NAALAD2: variants seen among roughly 807,000 people sequenced by gnomAD.
NAALAD2 encodes the protein N-acetylated-alpha-linked acidic dipeptidase 2.
NAALAD2 carries 89 observed loss-of-function variants against 95.6 expected under a neutral mutation model. The observed-to-expected ratio is 0.93, with a 90% CI of 0.78 to 1.11. The LOEUF is 1.11. Among genes scored for constraint, NAALAD2 ranks in the 50% least tolerant of loss-of-function variants. The pLI is 0.00. For missense variants in NAALAD2, 894 were observed against 872.4 expected, an observed-to-expected ratio of 1.02 and a Z score of -0.31; for synonymous variants, 264 against 294.4, an observed-to-expected ratio of 0.90 and a Z score of 1.06.
chr11:90,173,156 T>C (rs1354017861), intron 13 of NAALAD2, among the ~76,000 whole-genome samples: 3 of 152,176 alleles, frequency 2.0e-5, no homozygotes, highest in Non-Finnish European at 4.4e-5. Context: ...TAAATGTATT[T>C]TTAATGAAAG....
chr11:90,191,587 A>G lies in NAALAD2; in HGVS notation c.2063A>G (p.Asn688Ser), dbSNP rs770333021. Reference sequence around the variant, plus strand: ...ATCATATTTGCTCCAAGTAGCCACAACAAATATGCTGGAGAATCATTTCCT... The same window carrying G: ...ATCATATTTGCTCCAAGTAGCCACAGCAAATATGCTGGAGAATCATTTCCT... ...RHIIFAPSSH[N>S]KYAGESFPGI... Residue 688 changes from asparagine to serine, a missense_variant, in exon 19 of 19, where the codon AAC (asparagine) becomes AGC (serine). Coordinates refer to ENST00000534061, the MANE Select transcript of NAALAD2 (RefSeq NM_005467.4). The G allele has an allele frequency of 3.1e-6, 5 of 1,595,516 alleles. No homozygotes were observed. Among genetic ancestry groups the G allele is most frequent in the Non-Finnish European group, 4.3e-6 (5 of 1,171,640 alleles).
intron 6 of NAALAD2, among the ~76,000 whole-genome samples, chr11:90,157,747 A>C (rs2134897848): frequency 6.6e-6 from 1 of 151,618 alleles, no homozygotes; most frequent in East Asian, 1.9e-4. Flanking sequence ...TTTCAGACAG[A>C]GTCTTGCTCC....
At position 90,173,911 on chromosome 11, in the gene NAALAD2, C is replaced by T; in HGVS notation, c.1498C>T (p.Pro500Ser). 6.2e-7 allele frequency: 1 copy of T among 1,608,038 alleles called. No homozygotes were observed. The highest frequency in any genetic ancestry group is 8.5e-7 in the Non-Finnish European group (1 of 1,175,926). ...CCCTTCACCTGAAAATAAAAATTTG[C>T]CTAGGTAAGTTACTGATATGCACCT... ...KDPSPENKNL[P>S]RINKLGSGSD... The change falls in exon 14 of 19, where the codon CCT (proline) becomes TCT (serine). Residue 500 changes from proline to serine, a missense_variant. Transcript: ENST00000534061.
In NAALAD2 at chr11:90,177,176, A is replaced by G. The variant is rs183585136; in HGVS notation, c.1594-677A>G. Among the ~76,000 whole-genome samples the G allele has an allele frequency of 1.8e-3, 274 of 152,320 alleles. 2 individuals are homozygous for G. Among genetic ancestry groups the G allele is most frequent in the African/African-American group, 6.1e-3 (253 of 41,590 alleles). ...AAGAATATTTATACGGGATACTACT[A>G]TGTAATAATTCATATTCATAATGGT... On this transcript the variant is annotated intron_variant, in intron 15 of 18. Coordinates refer to ENST00000534061, the MANE Select transcript of NAALAD2 (RefSeq NM_005467.4).
chr11:90,164,527 A>C (rs1952383005), intron 11 of NAALAD2, among the ~76,000 whole-genome samples: 1 of 152,160 alleles, frequency 6.6e-6, no homozygotes, highest in Non-Finnish European at 1.5e-5. Flanking sequence ...TCTTTCTGTA[A>C]GAGTAAGCTC....
At chr11:90,144,592 A>G (rs1951703493) in intron 2 of NAALAD2, among the ~76,000 whole-genome samples, 1 of 151,842 alleles carries the variant, frequency 6.6e-6, no homozygotes, top group Admixed American at 6.6e-5. Flanking sequence ...AATACAAAAA[A>G]TTAGCTGGGC....
intron 16 of NAALAD2, among the ~76,000 whole-genome samples, chr11:90,181,235 TA>T (rs1952958357): frequency 6.6e-6 from 1 of 151,792 alleles, no homozygotes; most frequent in African/African-American, 2.4e-5. Flanking sequence ...CAAGAATTGG[TA>T]TTTTTTTTTG....
chr11:90,187,941 A>AATTG (rs1180220896), intron 18 of NAALAD2, among the ~76,000 whole-genome samples: 1 of 152,228 alleles, frequency 6.6e-6, no homozygotes, highest in Non-Finnish European at 1.5e-5. Context: ...AACAGACTTT[A>AATTG]ATTGAGCAAA....
intron 8 of NAALAD2, among the ~76,000 whole-genome samples, chr11:90,159,823 G>T (rs1019378094): frequency 5.9e-5 from 9 of 151,664 alleles, no homozygotes; most frequent in African/African-American, 2.2e-4. Context: ...TGATGGTGGT[G>T]CATGCCTGTA....
chr11:90,180,808 A>G (rs1000088064), intron 16 of NAALAD2, among the ~76,000 whole-genome samples: 3 of 151,372 alleles, frequency 2.0e-5, no homozygotes, highest in African/African-American at 4.9e-5. Flanking sequence ...AAATATTCAG[A>G]AAAAAAAACC....
intron 16 of NAALAD2, among the ~76,000 whole-genome samples, chr11:90,178,361 G>T (rs1952863796): frequency 6.6e-6 from 1 of 152,146 alleles, no homozygotes; most frequent in Non-Finnish European, 1.5e-5. Context: ...CATTTTTCTT[G>T]TATTATGGCC....
intron 14 of NAALAD2, among the ~76,000 whole-genome samples, chr11:90,174,364 G>A (rs1952727339): frequency 1.3e-5 from 2 of 151,866 alleles, no homozygotes; most frequent in African/African-American, 4.8e-5. Flanking sequence ...CTTCTATCCA[G>A]TTTTGTTTTG....
upstream of NAALAD2, chr11:90,134,621 A>G: frequency 1.4e-6 from 1 of 707,836 alleles, no homozygotes; most frequent in Admixed American, 2.4e-5. Context: ...CCCAGCGGGT[A>G]GGGCGGAGGC....
At chr11:90,170,163 G>T (rs1407250252) in intron 13 of NAALAD2, 27 bp downstream of exon 13, 1 of 1,351,316 alleles carries the variant, frequency 7.4e-7, no homozygotes, top group Admixed American at 1.7e-5. Context: ...GTCTTCATAT[G>T]TTCTCTTTTG....
At chr11:90,170,161 A>T (rs1565537788) in intron 13 of NAALAD2, 25 bp downstream of exon 13, 1 of 1,378,934 alleles carries the variant, frequency 7.3e-7, no homozygotes, top group Admixed American at 1.7e-5. Context: ...GTGTCTTCAT[A>T]TGTTCTCTTT....
Position 90,138,725 on chromosome 11 carries a change from C to CTTTTTTTT in NAALAD2, c.194+3082_194+3089dup, listed in dbSNP as rs562496549. On this transcript the variant is annotated intron_variant, in intron 2 of 18. Coordinates refer to ENST00000534061, the MANE Select transcript of NAALAD2 (RefSeq NM_005467.4). Reference sequence around the variant, plus strand: ...TATCATGAAACCCTTCATCCCTCAACTTTTTTTTTTTTTTTTTTTTTTTTT... The same window carrying CTTTTTTTT: ...TATCATGAAACCCTTCATCCCTCAACTTTTTTTTTTTTTTTTTTTTTTTTTTTTTTTTT... Among the ~76,000 whole-genome samples, 4 of 61,530 alleles carry CTTTTTTTT rather than the reference C, an allele frequency of 6.5e-5. 1 individual carries two copies. The highest frequency in any genetic ancestry group is 9.6e-5 in the Non-Finnish European group (3 of 31,328). The allele number at this position is 61,530 out of a possible 152,430, so 40.4% of individuals were successfully genotyped here.
At position 90,175,889 on chromosome 11, in the gene NAALAD2, C is replaced by T. The variant is rs1952775140; in HGVS notation, c.1503-83C>T. 4 of 772,064 alleles carry T rather than the reference C, an allele frequency of 5.2e-6. No homozygotes were observed. The South Asian group carries it at 5.8e-5, about 11-fold the overall frequency. 47.8% of individuals were successfully genotyped at this position (772,064 alleles called of 1,614,324 possible). A position where few individuals can be genotyped will look rare whatever the true frequency, so the allele number is the denominator to read the frequency against. ...CCTTGCTATTCTTGGGGCAGGATTC[C>T]TTGTCCCATCTATTTAACTTTGTAT... On this transcript the variant is annotated intron_variant, in intron 14 of 18. Coordinates refer to ENST00000534061, the MANE Select transcript of NAALAD2 (RefSeq NM_005467.4).
chr11:90,133,838 T>G (rs569632475), upstream of NAALAD2, among the ~76,000 whole-genome samples: 5 of 151,750 alleles, frequency 3.3e-5, no homozygotes, highest in East Asian at 3.9e-4. Context: ...TCTTTTTTTT[T>G]TTGTTTGTTT....
intron 11 of NAALAD2, among the ~76,000 whole-genome samples, chr11:90,168,532 C>A (rs1179941272): frequency 6.6e-6 from 1 of 152,110 alleles, no homozygotes; most frequent in Non-Finnish European, 1.5e-5. Context: ...TAATAAAATA[C>A]AGATTGCCAG....
Sources: allele counts gnomAD v4.1 joint callset (sites outside exome capture counted in the v4.1 genomes callset), GRCh38; gene constraint gnomAD v4.1.1; transcripts MANE v1.5; gene names NCBI Gene and HGNC (gene_info 2026-07-23, HGNC 2026-07-21).